The following DOCK2 variants were observed in gnomAD, a reference collection of about 807,000 sequenced individuals.
The protein encoded by DOCK2 is dedicator of cytokinesis 2.
Under a neutral mutation model 248.9 loss-of-function variants are expected in DOCK2, and 87 were observed. The ratio of observed to expected loss-of-function variants is 0.35; its 90% confidence interval spans 0.29 to 0.42. The LOEUF (loss-of-function observed/expected upper bound fraction) is 0.42. Ranked by LOEUF, DOCK2 falls within the 10% of genes least tolerant of loss-of-function variation. The probability of loss-of-function intolerance (pLI) is 1.00; values close to 1 mark genes in which losing one functional copy is unlikely to be tolerated. For missense variants in DOCK2, 1,747 were observed against 2,300.2 expected (o/e 0.76, Z 4.92); for synonymous variants, 805 against 821.6 (o/e 0.98, Z 0.35).
At chr5:170,061,768 G>C (rs951606974) in intron 44 of DOCK2, among the ~76,000 whole-genome samples, 1 of 152,196 alleles carries the variant, frequency 6.6e-6, no homozygotes, top group African/African-American at 2.4e-5. Flanking sequence ...TTAATGACTT[G>C]TCTTAAAGCC....
chr5:169,721,129 A>G (rs1417209817), intron 22 of DOCK2, among the ~76,000 whole-genome samples: 1 of 152,220 alleles, frequency 6.6e-6, no homozygotes, highest in East Asian at 1.9e-4. Flanking sequence ...AAGGCATATA[A>G]TCTTGCAGAA....
intron 25 of DOCK2, among the ~76,000 whole-genome samples, chr5:169,783,012 G>T (rs1378635018): frequency 1.3e-5 from 2 of 152,192 alleles, no homozygotes; most frequent in African/African-American, 4.8e-5. Context: ...ATATGGTGAT[G>T]TCCTCAAGGA....
chr5:169,897,941 C>T (rs536006948), intron 27 of DOCK2, among the ~76,000 whole-genome samples: 2 of 152,290 alleles, frequency 1.3e-5, no homozygotes, highest in South Asian at 2.1e-4. Flanking sequence ...CAAAGCTGCT[C>T]CCCTAGAAAT....
intron 1 of DOCK2, among the ~76,000 whole-genome samples, chr5:169,640,492 C>T (rs1185523337): frequency 6.6e-6 from 1 of 152,202 alleles, no homozygotes; most frequent in Non-Finnish European, 1.5e-5. Flanking sequence ...AGTTTATTAG[C>T]ATGTACATCC....
intron 25 of DOCK2, 145 bp from the exon 26 acceptor site, chr5:169,802,913 T>G: frequency 9.2e-7 from 1 of 1,083,394 alleles, no homozygotes; most frequent in Non-Finnish European, 1.3e-6. Flanking sequence ...TCAGGAAATC[T>G]TAACCTAATC....
intron 22 of DOCK2, among the ~76,000 whole-genome samples, chr5:169,730,385 G>C (rs79714283): frequency 0.021 from 3,176 of 152,290 alleles, 52 homozygotes; most frequent in Middle Eastern, 0.041. Context: ...AGTTAGAGAA[G>C]ACTGGTGCTG....
chr5:170,011,109 T>C (rs1269668254), intron 32 of DOCK2, among the ~76,000 whole-genome samples: 3 of 152,312 alleles, frequency 2.0e-5, no homozygotes, highest in African/African-American at 7.2e-5. Context: ...AATAAAAAAA[T>C]TCTCCTGCTT....
At chr5:169,821,705 G>T (rs1389755850) in intron 26 of DOCK2, among the ~76,000 whole-genome samples, 1 of 152,186 alleles carries the variant, frequency 6.6e-6, no homozygotes, top group East Asian at 1.9e-4. Flanking sequence ...GGAAGAAACT[G>T]TGTCAACTAA....
intron 22 of DOCK2, among the ~76,000 whole-genome samples, chr5:169,732,685 C>G (rs1293844111): frequency 6.6e-6 from 1 of 152,154 alleles, no homozygotes; most frequent in Non-Finnish European, 1.5e-5. Context: ...AAACGTATCT[C>G]AATTTATCTA....
intron 34 of DOCK2, among the ~76,000 whole-genome samples, chr5:170,030,852 G>A (rs1211307298): frequency 6.6e-6 from 1 of 152,184 alleles, no homozygotes; most frequent in East Asian, 1.9e-4. Flanking sequence ...CCCCCACTGG[G>A]CAGATACAGT....
At chr5:169,776,451 C>A (rs1765389691) in intron 25 of DOCK2, among the ~76,000 whole-genome samples, 1 of 152,016 alleles carries the variant, frequency 6.6e-6, no homozygotes, top group African/African-American at 2.4e-5. Context: ...AAGTGTGAGC[C>A]ACCACACTTG....
At chr5:169,889,601 A>G (rs1773169434) in intron 27 of DOCK2, among the ~76,000 whole-genome samples, 1 of 152,368 alleles carries the variant, frequency 6.6e-6, no homozygotes, top group Middle Eastern at 3.4e-3. Context: ...ACTGGGGTTC[A>G]GACTATCCTT....
chr5:169,938,405 CTAGGCTATAAGG>C (rs1294356948), intron 27 of DOCK2, among the ~76,000 whole-genome samples: 5 of 152,150 alleles, frequency 3.3e-5, no homozygotes, highest in Non-Finnish European at 5.9e-5. Context: ...TACCTACTAC[CTAGGCTATAAGG>C]TAGAGCCTAT....
chr5:169,765,684 G>A (rs1764739954), intron 25 of DOCK2, among the ~76,000 whole-genome samples: 1 of 152,190 alleles, frequency 6.6e-6, no homozygotes, highest in African/African-American at 2.4e-5. Context: ...CAAACACAGA[G>A]AGAGATTGAC....
At chr5:170,049,498 A>T (rs867415455) in intron 40 of DOCK2, among the ~76,000 whole-genome samples, 6 of 152,324 alleles carry the variant, frequency 3.9e-5, no homozygotes, top group Middle Eastern at 6.8e-3. Context: ...TGTATGACAG[A>T]TGTGTGTTTG....
At chr5:169,715,608 T>A (rs191135015) in intron 19 of DOCK2, among the ~76,000 whole-genome samples, 2,932 of 149,094 alleles carry the variant, frequency 0.02, 147 homozygotes, top group Admixed American at 0.12. Flanking sequence ...TTTTTTTTTT[T>A]AAAAAAGTTT....
chr5:169,657,232 G>A (rs1581396336), intron 2 of DOCK2, among the ~76,000 whole-genome samples: 1 of 152,100 alleles, frequency 6.6e-6, no homozygotes, highest in East Asian at 1.9e-4. Context: ...GCTGGAGGGG[G>A]TCTGAGAGCA....
intron 27 of DOCK2, among the ~76,000 whole-genome samples, chr5:169,894,950 G>T (rs1018275273): frequency 2.6e-5 from 4 of 152,164 alleles, no homozygotes; most frequent in East Asian, 3.9e-4. Flanking sequence ...GTGGCCCCCC[G>T]TGAGGTCTGC....
chr5:169,974,455 A>G (rs921757476), intron 27 of DOCK2, among the ~76,000 whole-genome samples: 5 of 152,208 alleles, frequency 3.3e-5, no homozygotes, highest in Non-Finnish European at 7.4e-5. Flanking sequence ...AGTATCTAAC[A>G]TGTATTTAGC....
Sources: allele counts gnomAD v4.1 joint callset (sites outside exome capture counted in the v4.1 genomes callset), GRCh38; gene constraint gnomAD v4.1.1; transcripts MANE v1.5; gene names NCBI Gene and HGNC (gene_info 2026-07-23, HGNC 2026-07-21).